Variants in RHPN2 observed in about 807,000 individuals in gnomAD.
The protein encoded by RHPN2 is rhophilin Rho GTPase binding protein 2.
Under a neutral mutation model 79.0 loss-of-function variants are expected in RHPN2, and 40 were observed. The observed-to-expected ratio is 0.51, with a 90% CI of 0.39 to 0.66. The LOEUF (loss-of-function observed/expected upper bound fraction) is 0.66. Ranked by LOEUF, RHPN2 falls within the 30% of genes least tolerant of loss-of-function variation. RHPN2 has a pLI of 0.00. For missense variants in RHPN2, 686 were observed against 883.5 expected (o/e 0.78, Z 2.83); for synonymous variants, 285 against 363.5 (o/e 0.78, Z 2.46).
intron 6 of RHPN2, among the ~76,000 whole-genome samples, chr19:33,009,506 G>A (rs578074206): frequency 3.9e-5 from 6 of 152,098 alleles, no homozygotes; most frequent in South Asian, 4.2e-4. Flanking sequence ...GCTGGAGTGC[G>A]GTGGCATGAT....
At chr19:33,023,541 T>A (rs921761955) in intron 3 of RHPN2, among the ~76,000 whole-genome samples, 20 of 150,776 alleles carry the variant, frequency 1.3e-4, no homozygotes, top group Admixed American at 3.3e-4. Context: ...TAATCCCAGC[T>A]CTTTGGGAGG....
At chr19:32,995,955 C>A in intron 11 of RHPN2, 71 bp downstream of exon 11, 1 of 1,484,190 alleles carries the variant, frequency 6.7e-7, no homozygotes, top group Non-Finnish European at 9.4e-7. Context: ...TCGCTCAACC[C>A]CCACAGGCCA....
chr19:33,033,176 T>C (rs1972026481), intron 2 of RHPN2, among the ~76,000 whole-genome samples: 1 of 152,182 alleles, frequency 6.6e-6, no homozygotes, highest in Non-Finnish European at 1.5e-5. Flanking sequence ...GAACAAATTT[T>C]AGTTCATGGA....
At chr19:33,002,493 T>G in intron 8 of RHPN2, 90 bp from the exon 9 acceptor site, 1 of 1,511,506 alleles carries the variant, frequency 6.6e-7, no homozygotes, top group South Asian at 1.1e-5. Flanking sequence ...CTTCTTCCCA[T>G]GCAACAGCCC....
At chr19:32,984,728 G>A (rs1006806924) in intron 14 of RHPN2, among the ~76,000 whole-genome samples, 6 of 152,076 alleles carry the variant, frequency 3.9e-5, no homozygotes, top group Non-Finnish European at 8.8e-5. Flanking sequence ...GATTCAAGAG[G>A]GTCTCTTGAG....
At chr19:33,016,766 T>G (rs1971881457) in intron 4 of RHPN2, among the ~76,000 whole-genome samples, 1 of 152,160 alleles carries the variant, frequency 6.6e-6, no homozygotes, top group Admixed American at 6.6e-5. Flanking sequence ...GACACACAAG[T>G]CAGATTTGAA....
intron 1 of RHPN2, chr19:33,051,408 T>G (rs1229426790): frequency 6.5e-6 from 1 of 152,980 alleles, no homozygotes; most frequent in East Asian, 1.9e-4. Flanking sequence ...GCAGGAAGAC[T>G]GTACTTCCAG....
intron 6 of RHPN2, among the ~76,000 whole-genome samples, chr19:33,009,362 G>A (rs58828129): frequency 0.25 from 37,463 of 151,792 alleles, 4,866 homozygotes; most frequent in Non-Finnish European, 0.28. Context: ...AGGCCAAGGC[G>A]GTATGGCTTC....
At chr19:33,022,814 C>T (rs542920676) in intron 3 of RHPN2, among the ~76,000 whole-genome samples, 4 of 152,286 alleles carry the variant, frequency 2.6e-5, no homozygotes, top group Admixed American at 2.0e-4. Flanking sequence ...GTAAGCTGAA[C>T]CTGGCTCTGC....
chr19:33,016,419 G>A (rs1002681809), intron 4 of RHPN2, among the ~76,000 whole-genome samples: 3 of 152,096 alleles, frequency 2.0e-5, no homozygotes, highest in South Asian at 2.1e-4. Context: ...TGTGGCTCAC[G>A]CCTGTAATCC....
chr19:33,044,071 C>T (rs1248510128), intron 2 of RHPN2, among the ~76,000 whole-genome samples, 178 bp downstream of exon 2: 1 of 149,170 alleles, frequency 6.7e-6, no homozygotes, highest in Admixed American at 6.7e-5. Flanking sequence ...CCCAAACACA[C>T]AAACAGGCGG....
At chr19:33,012,080 C>T (rs1330157941) in intron 5 of RHPN2, among the ~76,000 whole-genome samples, 5 of 150,266 alleles carry the variant, frequency 3.3e-5, no homozygotes, top group Non-Finnish European at 1.5e-5. Context: ...TGCTGTCACC[C>T]ACCCAAGCTG....
In RHPN2 at chr19:33,011,803, C is replaced by A. The variant is rs749982365; in HGVS notation, c.469G>T (p.Ala157Ser). ...TCATCCCGGCTAGGCGTCCGACAAG[C>A]CTGCAAGGAAAAGAACCCAAGAGGG... is the stretch of plus-strand genomic sequence containing the variant. ...EIADLMDLRQ[A>S]CRTPSRDEAG... Residue 157 changes from alanine (A) to serine (S), a missense_variant and splice_region_variant, in exon 6 of 15, where the codon GCT (alanine) becomes TCT (serine). By Grantham distance (99) the Ala-to-Ser change is moderately conservative. Coordinates refer to ENST00000254260, the MANE Select transcript of RHPN2 (RefSeq NM_033103.5). The A allele has an allele frequency of 1.8e-5, 29 of 1,613,970 alleles. No homozygotes were observed. Among genetic ancestry groups the A allele is most frequent in the African/African-American group, 1.3e-4 (10 of 75,054 alleles).
At position 32,996,076 on chromosome 19, in the gene RHPN2, T is replaced by C. The variant is rs777127717; in HGVS notation, c.1370A>G (p.His457Arg). 3.1e-6 allele frequency: 5 copies of C among 1,613,990 alleles called. No homozygotes were observed. The South Asian group carries it at 5.5e-5, about 18-fold the overall frequency. ...GTTCAGCAGGTCATCCTCCTCCTGG[T>C]GCTGGGCGTACGTGAGCCGGGAGCG... The part of the protein sequence containing the change: ...QERSRLTYAQ[H>R]QEEDDLLNLI... Residue 457 changes from histidine to arginine, a missense_variant, in exon 11 of 15, where the codon CAC (histidine) becomes CGC (arginine). Transcript: ENST00000254260.
intron 11 of RHPN2, among the ~76,000 whole-genome samples, chr19:32,995,019 T>C (rs1471876211): frequency 6.6e-6 from 1 of 152,158 alleles, no homozygotes; most frequent in African/African-American, 2.4e-5. Context: ...GTTGTTGTTA[T>C]GGAAGTTCCA....
intron 1 of RHPN2, among the ~76,000 whole-genome samples, chr19:33,060,522 G>A (rs11881367): frequency 0.17 from 26,210 of 151,906 alleles, 2,886 homozygotes; most frequent in South Asian, 0.33. Context: ...TTACACGGCC[G>A]TTTCTTTGTT....
Position 33,001,515 on chromosome 19 carries a change from C to T in RHPN2, c.1105+732G>A, listed in dbSNP as rs76338994. On this transcript the variant is annotated intron_variant, in intron 9 of 14. Coordinates refer to ENST00000254260, the MANE Select transcript of RHPN2 (RefSeq NM_033103.5). ...CATGATCATACCACTGCACTCCAGC[C>T]CCATCTCTAACAATAAAATAAAATA... Among the ~76,000 whole-genome samples, 34 of 152,064 alleles carry T rather than the reference C, an allele frequency of 2.2e-4. No homozygotes were observed. In the East Asian group the frequency reaches 6.4e-3, roughly 29 times the overall value.
intron 1 of RHPN2, 26 bp downstream of exon 1, chr19:33,064,755 TCCC>T: frequency 7.0e-7 from 1 of 1,427,940 alleles, no homozygotes; most frequent in Non-Finnish European, 9.4e-7. Context: ...AGCCCGCAGG[TCCC>T]CGCCCGCCCG....
chr19:33,041,984 A>G (rs1433265990), intron 2 of RHPN2, among the ~76,000 whole-genome samples: 1 of 152,008 alleles, frequency 6.6e-6, no homozygotes, highest in African/African-American at 2.4e-5. Context: ...AGACTTTGAG[A>G]CAAGCCTGTG....
Sources: allele counts gnomAD v4.1 joint callset (sites outside exome capture counted in the v4.1 genomes callset), GRCh38; gene constraint gnomAD v4.1.1; transcripts MANE v1.5; gene names NCBI Gene and HGNC (gene_info 2026-07-23, HGNC 2026-07-21).